Variants in CCDC181 observed in about 807,000 individuals in gnomAD.
The protein encoded by CCDC181 is coiled-coil domain containing 181.
A neutral mutation model predicts 58.7 loss-of-function variants in CCDC181; 35 were observed. That is an observed-to-expected ratio of 0.60 (90% CI 0.46 to 0.79). CCDC181 has a LOEUF of 0.79. Ranked by LOEUF, CCDC181 falls within the 30% of genes least tolerant of loss-of-function variation. The probability of loss-of-function intolerance (pLI) is 0.00; values close to 1 mark genes in which losing one functional copy is unlikely to be tolerated. For missense variants in CCDC181, 517 were observed against 583.9 expected, an observed-to-expected ratio of 0.89 and a Z score of 1.18; for synonymous variants, 183 against 197.5, an observed-to-expected ratio of 0.93 and a Z score of 0.62.
At position 169,405,382 on chromosome 1, in the gene CCDC181, C is replaced by T. The variant is rs1468437544; in HGVS notation, c.1216-7991G>A. Among the ~76,000 whole-genome samples, 5 of 152,188 alleles carry T rather than the reference C, an allele frequency of 3.3e-5. No individual in the cohort carries two copies. The East Asian group carries it at 9.6e-4, about 29-fold the overall frequency. On this transcript the variant is annotated intron_variant, in intron 4 of 5. Coordinates refer to ENST00000367806, the MANE Select transcript of CCDC181 (RefSeq NM_001300969.2). ...TAAGCAAAAAGAACAAAGCTGGAGG[C>T]ATCACGCTACCTGACTGCAAACTAC... is the stretch of plus-strand genomic sequence containing the variant.
chr1:169,398,767 G>A (rs1253480574), intron 4 of CCDC181, among the ~76,000 whole-genome samples: 1 of 152,162 alleles, frequency 6.6e-6, no homozygotes, highest in Non-Finnish European at 1.5e-5. Context: ...AAGTTCTATT[G>A]GACAGTGTTC....
chr1:169,399,445 A>G (rs967415594), intron 4 of CCDC181, among the ~76,000 whole-genome samples: 3 of 152,238 alleles, frequency 2.0e-5, no homozygotes, highest in South Asian at 2.1e-4. Flanking sequence ...AAGAAAATAT[A>G]TTTTTAAAAC....
At chr1:169,399,709 G>A (rs1446000979) in intron 4 of CCDC181, among the ~76,000 whole-genome samples, 1 of 152,162 alleles carries the variant, frequency 6.6e-6, no homozygotes, top group Non-Finnish European at 1.5e-5. Flanking sequence ...ATCATAATTG[G>A]TATCAGATTT....
chr1:169,406,609 GA>G (rs1318477135), intron 4 of CCDC181, among the ~76,000 whole-genome samples: 1 of 152,090 alleles, frequency 6.6e-6, no homozygotes, highest in African/African-American at 2.4e-5. Flanking sequence ...AGAACACTTA[GA>G]CACAGGGTGG....
At chr1:169,448,649 G>A (rs935710126) in intron 2 of CCDC181, among the ~76,000 whole-genome samples, 17 of 149,900 alleles carry the variant, frequency 1.1e-4, no homozygotes, top group Admixed American at 4.0e-4. Context: ...TAGATTTTTC[G>A]TAATTATCCT....
At chr1:169,436,561 G>T (rs1657059847) in intron 2 of CCDC181, among the ~76,000 whole-genome samples, 1 of 152,122 alleles carries the variant, frequency 6.6e-6, no homozygotes, top group Non-Finnish European at 1.5e-5. Flanking sequence ...TAAAAAGAAT[G>T]AAAAGCAAAG....
intron 4 of CCDC181, among the ~76,000 whole-genome samples, chr1:169,404,125 C>T (rs2102052098): frequency 6.6e-6 from 1 of 152,242 alleles, no homozygotes; most frequent in Middle Eastern, 3.4e-3. Context: ...GAAGCTGAAT[C>T]CCTGAATAGA....
chr1:169,412,296 A>C (rs1268619208), intron 4 of CCDC181, among the ~76,000 whole-genome samples: 1 of 152,198 alleles, frequency 6.6e-6, no homozygotes, highest in Non-Finnish European at 1.5e-5. Flanking sequence ...AGAATAAAAT[A>C]CCTAGCAATA....
chr1:169,429,098 C>T (rs1240263818), upstream of CCDC181, among the ~76,000 whole-genome samples: 1 of 152,144 alleles, frequency 6.6e-6, no homozygotes, highest in African/African-American at 2.4e-5. Context: ...ATGAAATAAC[C>T]TCCATTTCCA....
chr1:169,406,382 G>A (rs1309362811), intron 4 of CCDC181, among the ~76,000 whole-genome samples: 1 of 152,142 alleles, frequency 6.6e-6, no homozygotes, highest in African/African-American at 2.4e-5. Context: ...CAATAGCAAA[G>A]ACTCGGAACC....
chr1:169,438,341 A>G (rs1318213663), intron 2 of CCDC181, among the ~76,000 whole-genome samples: 1 of 152,058 alleles, frequency 6.6e-6, no homozygotes, highest in Non-Finnish European at 1.5e-5. Context: ...TTCTGCCGGC[A>G]TACTAGGTTT....
At chr1:169,400,239 G>A (rs963536740) in intron 4 of CCDC181, among the ~76,000 whole-genome samples, 1 of 152,162 alleles carries the variant, frequency 6.6e-6, no homozygotes, top group Admixed American at 6.5e-5. Flanking sequence ...ATGTCCTAGA[G>A]TAAGGACCAT....
intron 2 of CCDC181, among the ~76,000 whole-genome samples, chr1:169,451,485 C>T (rs1302500744): frequency 2.6e-5 from 4 of 151,964 alleles, no homozygotes; most frequent in Non-Finnish European, 4.4e-5. Context: ...TACTTTTATG[C>T]CTGTCTTTAT....
chr1:169,419,204 T>C, intron 3 of CCDC181, 45 bp from the exon 4 acceptor site: 1 of 1,489,696 alleles, frequency 6.7e-7, no homozygotes, highest in Non-Finnish European at 9.0e-7. Flanking sequence ...ATTAATAAAA[T>C]TGTATGAGTT....
At chr1:169,450,085 A>AT (rs1228330359) in intron 2 of CCDC181, among the ~76,000 whole-genome samples, 1 of 152,118 alleles carries the variant, frequency 6.6e-6, no homozygotes, top group South Asian at 2.1e-4. Flanking sequence ...TTAAATTTCA[A>AT]TTTTTTAGTT....
chr1:169,426,235 A>G (rs773917400), intron 1 of CCDC181, among the ~76,000 whole-genome samples: 1 of 152,166 alleles, frequency 6.6e-6, no homozygotes, highest in Non-Finnish European at 1.5e-5. Context: ...CCTTTTTCAA[A>G]TGCGTCACAG....
At chr1:169,403,411 T>C (rs1220006929) in intron 4 of CCDC181, among the ~76,000 whole-genome samples, 2 of 152,212 alleles carry the variant, frequency 1.3e-5, no homozygotes, top group Non-Finnish European at 2.9e-5. Flanking sequence ...TAGGTGAAAG[T>C]AAAGCACTCC....
At chr1:169,397,149 T>C in intron 5 of CCDC181, 88 bp downstream of exon 5, 1 of 1,089,594 alleles carries the variant, frequency 9.2e-7, no homozygotes, top group Non-Finnish European at 1.2e-6. Context: ...ATTTTGAGGG[T>C]TTTTTTTTTC....
At chr1:169,443,797 C>T (rs17577018) in intron 2 of CCDC181, among the ~76,000 whole-genome samples, 3,773 of 152,132 alleles carry the variant, frequency 0.025, 66 homozygotes, top group Middle Eastern at 0.041. Context: ...GCTCATGTGC[C>T]GTGCTAAAGC....
Sources: gnomAD v4.1 joint callset for allele counts (sites outside exome capture counted in the v4.1 genomes callset) on GRCh38, gnomAD v4.1.1 for gene constraint, MANE v1.5 for transcripts, NCBI Gene and HGNC (gene_info 2026-07-23, HGNC 2026-07-21) for gene names.